The following GBF1 variants were observed in gnomAD, a reference collection of about 807,000 sequenced individuals.
GBF1 encodes golgi brefeldin A resistant guanine nucleotide exchange factor 1.
GBF1 carries 114 observed loss-of-function variants against 210.5 expected under a neutral mutation model. The observed-to-expected ratio is 0.54, with a 90% CI of 0.47 to 0.63. The LOEUF (loss-of-function observed/expected upper bound fraction) is 0.63. Among genes scored for constraint, GBF1 ranks in the 30% least tolerant of loss-of-function variants. The probability of loss-of-function intolerance (pLI) is 0.00; values close to 1 mark genes in which losing one functional copy is unlikely to be tolerated. For synonymous variants in GBF1, 850 were observed against 889.2 expected (o/e 0.96, Z 0.78); for missense variants, 1,851 against 2,357.7 (o/e 0.79, Z 4.45).
Position 102,361,841 on chromosome 10 carries a change from C to T in GBF1, c.1615C>T (p.Leu539Phe). The change falls in exon 14 of 40, where the codon CTC (leucine) becomes TTC (phenylalanine). Residue 539 changes from leucine to phenylalanine, a missense_variant. Leu to Phe is a conservative substitution (Grantham distance 22). Transcript: ENST00000369983. ...LWRIPSFVTE[L>F]YINYDCDYYC... is the part of the protein sequence containing the mutation. ...GCGCATCCCCAGCTTTGTCACAGAG[C>T]TCTACATCAACTATGATTGTGACTA... 2.5e-6 allele frequency: 4 copies of T among 1,613,706 alleles called. No homozygotes were observed. Among genetic ancestry groups the T allele is most frequent in the Non-Finnish European group, 3.4e-6 (4 of 1,179,764 alleles).
intron 3 of GBF1, among the ~76,000 whole-genome samples, chr10:102,266,270 A>AAGACCTATGG (rs2073867949): frequency 6.6e-6 from 1 of 151,826 alleles, no homozygotes; most frequent in South Asian, 2.1e-4. Context: ...CTTGAGGCCC[A>AAGACCTATGG]GTATAGGTAC....
chr10:102,309,075 G>A (rs1295081894), intron 3 of GBF1, among the ~76,000 whole-genome samples: 1 of 152,048 alleles, frequency 6.6e-6, no homozygotes, highest in African/African-American at 2.4e-5. Context: ...TCTGAGTGCC[G>A]ACTACATGAG....
intron 3 of GBF1, among the ~76,000 whole-genome samples, chr10:102,321,505 GATTT>G (rs2056392704): frequency 6.6e-6 from 1 of 152,106 alleles, no homozygotes; most frequent in Non-Finnish European, 1.5e-5. Flanking sequence ...ATAGTATACT[GATTT>G]ATTTGTTGTA....
intron 3 of GBF1, among the ~76,000 whole-genome samples, chr10:102,293,713 G>T (rs901904614): frequency 5.8e-5 from 8 of 138,852 alleles, no homozygotes; most frequent in African/African-American, 2.1e-4. Context: ...AAAAATAGAA[G>T]AAACCTTATA....
chr10:102,251,339 G>A (rs1000562153), intron 1 of GBF1, among the ~76,000 whole-genome samples: 1 of 151,918 alleles, frequency 6.6e-6, no homozygotes, highest in South Asian at 2.1e-4. Context: ...CTCATGAGGT[G>A]GATGTGTGCT....
rs1565175978 is a variant in GBF1 at position 102,370,809 on chromosome 10, G to T, written c.3609G>T (p.Gly1203=). The T allele has an allele frequency of 3.7e-6, 6 of 1,614,156 alleles. No homozygotes were observed. Among genetic ancestry groups the T allele is most frequent in the Non-Finnish European group, 5.1e-6 (6 of 1,179,994 alleles). ...FCFLVERAVV[G]LLRLAIRLLR... ...TCCTTGTGGAGCGGGCAGTGGTGGG[G>T]TTGCTACGCCTGGCCATTCGGCTTC... The change falls in exon 29 of 40, where the codon GGG becomes GGT. Residue 1203 remains glycine, a synonymous_variant. Transcript: ENST00000369983.
At chr10:102,330,225 C>T (rs1406046282) in intron 3 of GBF1, among the ~76,000 whole-genome samples, 3 of 152,074 alleles carry the variant, frequency 2.0e-5, no homozygotes, top group Admixed American at 6.6e-5. Flanking sequence ...TCACAATAGA[C>T]CTGGATTCAA....
At chr10:102,283,198 A>C (rs1180161732) in intron 3 of GBF1, among the ~76,000 whole-genome samples, 2 of 152,174 alleles carry the variant, frequency 1.3e-5, no homozygotes, top group African/African-American at 4.8e-5. Context: ...CTTAACAACC[A>C]CTTGTTAGTA....
chr10:102,301,387 A>G (rs1271056924), intron 3 of GBF1, among the ~76,000 whole-genome samples: 1 of 152,208 alleles, frequency 6.6e-6, no homozygotes, highest in Non-Finnish European at 1.5e-5. Context: ...TTCTTTCTAC[A>G]CAGACACAGC....
At chr10:102,231,935 C>T in the GBF1 span, 53 of 1,581,982 alleles carry the variant, frequency 3.4e-5, no homozygotes, top group Admixed American at 7.0e-4. Context: ...CTGTTATGTC[C>T]TGCACCCCCG....
At chr10:102,262,354 A>G (rs1249902099) in intron 3 of GBF1, among the ~76,000 whole-genome samples, 1 of 151,662 alleles carries the variant, frequency 6.6e-6, no homozygotes, top group Non-Finnish European at 1.5e-5. Flanking sequence ...TTTTTTTTTA[A>G]TTTTACAGAT....
chr10:102,294,251 C>T (rs1044753521), intron 3 of GBF1, among the ~76,000 whole-genome samples: 3 of 152,142 alleles, frequency 2.0e-5, no homozygotes, highest in Non-Finnish European at 2.9e-5. Context: ...TTTGCAGCAG[C>T]ATACAGCAAT....
chr10:102,353,528 G>T, intron 7 of GBF1, 72 bp from the exon 8 acceptor site: 1 of 1,050,870 alleles, frequency 9.5e-7, no homozygotes, highest in Non-Finnish European at 1.5e-6. Flanking sequence ...AGCACCTTTG[G>T]TTTGTGGCTG....
chr10:102,249,772 A>C (rs1002821802), intron 1 of GBF1, among the ~76,000 whole-genome samples: 2 of 150,388 alleles, frequency 1.3e-5, no homozygotes, highest in African/African-American at 4.9e-5. Context: ...GCTCACTGCA[A>C]CCTCCGCCTC....
chr10:102,336,614 C>G (rs142636368), intron 3 of GBF1, among the ~76,000 whole-genome samples: 3 of 152,280 alleles, frequency 2.0e-5, no homozygotes, highest in Middle Eastern at 3.4e-3. Context: ...ACCCAGAACA[C>G]TTAAGTAATT....
chr10:102,311,204 G>A (rs2078395567), intron 3 of GBF1, among the ~76,000 whole-genome samples: 1 of 152,250 alleles, frequency 6.6e-6, no homozygotes, highest in South Asian at 2.1e-4. Context: ...AGGGCTGCAA[G>A]TTTAAGCAGA....
upstream of GBF1, among the ~76,000 whole-genome samples, chr10:102,245,152 C>T (rs1284883025): frequency 1.3e-5 from 2 of 152,128 alleles, no homozygotes; most frequent in Non-Finnish European, 2.9e-5. Flanking sequence ...TAGGGATGCC[C>T]GCTCAAGTTC....
chr10:102,269,670 G>A (rs2074206547), intron 3 of GBF1, among the ~76,000 whole-genome samples: 1 of 152,014 alleles, frequency 6.6e-6, no homozygotes, highest in African/African-American at 2.4e-5. Flanking sequence ...TCTAAAATTT[G>A]AGAGACCCTT....
intron 3 of GBF1, among the ~76,000 whole-genome samples, chr10:102,278,816 T>G (rs1348067545): frequency 6.6e-6 from 1 of 152,224 alleles, no homozygotes; most frequent in African/African-American, 2.4e-5. Context: ...ACTACTGATA[T>G]AGGGTCCTTC....
Sources: allele counts gnomAD v4.1 joint callset (sites outside exome capture counted in the v4.1 genomes callset), GRCh38; gene constraint gnomAD v4.1.1; transcripts MANE v1.5; gene names NCBI Gene and HGNC (gene_info 2026-07-23, HGNC 2026-07-21).